The following GKAP1 variants were observed in gnomAD, a reference collection of about 807,000 sequenced individuals.
GKAP1 encodes G kinase anchoring protein 1, also known as G kinase-anchoring protein 1.
A neutral mutation model predicts 56.7 loss-of-function variants in GKAP1; 31 were observed. The observed-to-expected ratio is 0.55, with a 90% CI of 0.41 to 0.74. The LOEUF (loss-of-function observed/expected upper bound fraction) is 0.74, where lower values mean the gene tolerates loss of function less well. Among genes scored for constraint, GKAP1 ranks in the 30% least tolerant of loss-of-function variants. GKAP1 has a pLI of 0.00. For missense variants in GKAP1, 364 were observed against 402.3 expected (o/e 0.90, Z 0.82); for synonymous variants, 151 against 138.6 (o/e 1.09, Z -0.63).
chr9:83,781,648 TAC>T (rs1414696796), intron 6 of GKAP1, among the ~76,000 whole-genome samples: 1 of 152,122 alleles, frequency 6.6e-6, no homozygotes, highest in Admixed American at 6.5e-5. Flanking sequence ...CTATTTAGCA[TAC>T]AGTGATGCCA....
chr9:83,782,000 T>G (rs1943981731), intron 6 of GKAP1, among the ~76,000 whole-genome samples: 1 of 151,542 alleles, frequency 6.6e-6, no homozygotes, highest in Non-Finnish European at 1.5e-5. Context: ...CGTGCCACCA[T>G]GCCCAGCTAA....
chr9:83,781,642 T>G (rs1165932316), intron 6 of GKAP1, among the ~76,000 whole-genome samples: 5 of 152,126 alleles, frequency 3.3e-5, no homozygotes, highest in African/African-American at 1.2e-4. Flanking sequence ...CACGCTCTAT[T>G]TAGCATACAG....
chr9:83,756,493 G>C (rs199741839), intron 8 of GKAP1, among the ~76,000 whole-genome samples: 12 of 115,990 alleles, frequency 1.0e-4, no homozygotes, highest in Middle Eastern at 4.3e-3. Flanking sequence ...AAAAAAAAAA[G>C]AAAACAAAAC....
intron 10 of GKAP1, among the ~76,000 whole-genome samples, chr9:83,747,940 T>C (rs1240809230): frequency 1.3e-5 from 2 of 152,198 alleles, no homozygotes; most frequent in African/African-American, 2.4e-5. Flanking sequence ...TGGCCAACTA[T>C]GTAGCTTATA....
intron 6 of GKAP1, 123 bp downstream of exon 6, chr9:83,784,592 C>T (rs1944032599): frequency 2.9e-6 from 2 of 698,098 alleles, no homozygotes; most frequent in Non-Finnish European, 4.4e-6. Flanking sequence ...ACATTTTTTA[C>T]ATTCTACATG....
intron 4 of GKAP1, among the ~76,000 whole-genome samples, chr9:83,794,953 C>T (rs562707556): frequency 4.6e-5 from 7 of 151,910 alleles, no homozygotes; most frequent in African/African-American, 1.4e-4. Flanking sequence ...GTCAGGAGTT[C>T]GAGACCAGCC....
chr9:83,811,583 G>A (rs995330452), intron 2 of GKAP1, among the ~76,000 whole-genome samples: 19 of 152,152 alleles, frequency 1.2e-4, no homozygotes, highest in African/African-American at 4.6e-4. Context: ...TTCTGGTAAA[G>A]CAGCTACCTG....
At chr9:83,804,990 G>A (rs1285110368) in intron 3 of GKAP1, among the ~76,000 whole-genome samples, 4 of 152,312 alleles carry the variant, frequency 2.6e-5, no homozygotes, top group South Asian at 2.1e-4. Context: ...CATTGAGAAC[G>A]GGCCGGGATG....
intron 7 of GKAP1, among the ~76,000 whole-genome samples, chr9:83,779,466 C>CATAT (rs1554742287): frequency 1.3e-5 from 1 of 77,888 alleles, no homozygotes; most frequent in East Asian, 4.0e-4. Flanking sequence ...CACACACACG[C>CATAT]ACATATACAT....
intron 3 of GKAP1, among the ~76,000 whole-genome samples, chr9:83,805,447 A>C (rs902235065): frequency 6.7e-6 from 1 of 149,116 alleles, no homozygotes. Flanking sequence ...TGCGAGAAAC[A>C]CCCAAGAATG....
At chr9:83,783,373 T>C (rs1242649345) in intron 6 of GKAP1, among the ~76,000 whole-genome samples, 1 of 152,220 alleles carries the variant, frequency 6.6e-6, no homozygotes, top group Admixed American at 6.5e-5. Flanking sequence ...CTACTAGTCA[T>C]ATGTGACTGA....
chr9:83,812,300 TAC>T (rs1354419135), intron 2 of GKAP1, among the ~76,000 whole-genome samples: 113 of 148,120 alleles, frequency 7.6e-4, no homozygotes, highest in African/African-American at 2.5e-3. Context: ...CGTATATATA[TAC>T]GTATACATAT....
intron 7 of GKAP1, among the ~76,000 whole-genome samples, chr9:83,772,723 T>C (rs1191129639): frequency 6.6e-6 from 1 of 152,112 alleles, no homozygotes; most frequent in Non-Finnish European, 1.5e-5. Flanking sequence ...TTTTCAGACA[T>C]ATAAAGAAAT....
At chr9:83,816,173 G>A (rs1278960719) in intron 2 of GKAP1, among the ~76,000 whole-genome samples, 6 of 150,780 alleles carry the variant, frequency 4.0e-5, no homozygotes, top group Admixed American at 2.0e-4. Context: ...TGGGCAACAA[G>A]AGCAAAATTC....
intron 10 of GKAP1, among the ~76,000 whole-genome samples, chr9:83,747,165 A>G (rs1050969883): frequency 1.3e-5 from 2 of 152,206 alleles, no homozygotes; most frequent in Non-Finnish European, 2.9e-5. Flanking sequence ...AAAAATTAAC[A>G]TATATTTCTT....
At chr9:83,782,384 G>GT (rs1943989317) in intron 6 of GKAP1, among the ~76,000 whole-genome samples, 1 of 149,458 alleles carries the variant, frequency 6.7e-6, no homozygotes, top group African/African-American at 2.5e-5. Flanking sequence ...GATAGATGGA[G>GT]TTTCGCTCTT....
At chr9:83,794,908 G>A (rs1391049546) in intron 4 of GKAP1, among the ~76,000 whole-genome samples, 8 of 152,074 alleles carry the variant, frequency 5.3e-5, no homozygotes, top group Non-Finnish European at 1.2e-4. Flanking sequence ...CCAGCACTTT[G>A]GTAGGTGGAG....
At chr9:83,807,473 T>C (rs1363032863) in intron 2 of GKAP1, among the ~76,000 whole-genome samples, 2 of 152,116 alleles carry the variant, frequency 1.3e-5, no homozygotes, top group African/African-American at 4.8e-5. Flanking sequence ...ACTCAGAAAT[T>C]TGTATTTTGA....
At chr9:83,804,155 C>T (rs1231238422) in intron 3 of GKAP1, among the ~76,000 whole-genome samples, 11 of 150,390 alleles carry the variant, frequency 7.3e-5, no homozygotes, top group South Asian at 6.3e-4. Flanking sequence ...CCAGCCGCCC[C>T]GTCTGGGAGG....
Sources: gnomAD v4.1 joint callset for allele counts (sites outside exome capture counted in the v4.1 genomes callset) on GRCh38, gnomAD v4.1.1 for gene constraint, MANE v1.5 for transcripts, NCBI Gene and HGNC (gene_info 2026-07-23, HGNC 2026-07-21) for gene names.